Variants in TJP1 observed in about 807,000 individuals in gnomAD.
TJP1 encodes tight junction protein ZO-1.
TJP1 carries 43 observed loss-of-function variants against 194.2 expected under a neutral mutation model. The ratio of observed to expected loss-of-function variants is 0.22; its 90% CI spans 0.17 to 0.29. TJP1 has a LOEUF of 0.29. Among genes scored for constraint, TJP1 ranks in the 10% least tolerant of loss-of-function variants. The pLI is 1.00. For synonymous variants in TJP1, 801 were observed against 779.0 expected (o/e 1.03, Z -0.47); for missense variants, 1,971 against 2,185.7 (o/e 0.90, Z 1.96).
intron 15 of TJP1, chr15:29,728,631 A>C (rs1566909734): frequency 6.6e-6 from 1 of 152,278 alleles, no homozygotes; most frequent in Non-Finnish European, 1.5e-5. Flanking sequence ...ACTGTGCCAA[A>C]TGCAGCTTGG....
chr15:29,772,544 T>C (rs934582142), intron 3 of TJP1, among the ~76,000 whole-genome samples: 6 of 152,192 alleles, frequency 3.9e-5, no homozygotes, highest in African/African-American at 1.4e-4. Flanking sequence ...CTTTTAATTC[T>C]TCTAATTATA....
chr15:29,699,828 CGCA>C (rs1229821631), downstream of TJP1: 1 of 158,150 alleles, frequency 6.3e-6, no homozygotes, highest in Non-Finnish European at 1.4e-5. Flanking sequence ...AATGGTTACA[CGCA>C]CACACACAAA....
intron 2 of TJP1, among the ~76,000 whole-genome samples, chr15:29,952,269 G>A (rs2152309358): frequency 6.6e-6 from 1 of 152,340 alleles, no homozygotes; most frequent in South Asian, 2.1e-4. Flanking sequence ...TCCAGGCTAT[G>A]CCTAAGAGAA....
intron 15 of TJP1, chr15:29,731,027 A>G: frequency 2.9e-6 from 3 of 1,044,548 alleles, no homozygotes. Flanking sequence ...TGGTGACTGT[A>G]CAGTTTGAAA....
At chr15:29,704,535 T>C (rs2041769909) in intron 26 of TJP1, among the ~76,000 whole-genome samples, 1 of 152,208 alleles carries the variant, frequency 6.6e-6, no homozygotes, top group Non-Finnish European at 1.5e-5. Flanking sequence ...TCTTACAATA[T>C]TTTAATATTT....
Position 29,766,319 on chromosome 15 carries a change from C to G in TJP1, c.536G>C (p.Ser179Thr). ...GACTTTAGTAGGTTTAGCAGGCTGG[C>G]TGGAAGCCACTGACCGCCTGTCTGA... ...PRSDRRSVAS[S>T]QPAKPTKVTL... The change falls in exon 5 of 28, where the codon AGC becomes ACC. Residue 179 changes from serine to threonine, a missense_variant. Ser to Thr is a moderately conservative substitution (Grantham distance 58). This residue lies in a region of TJP1 where 245 missense variants were observed against 336.6 expected (regional missense o/e 0.73). Coordinates refer to ENST00000614355, the MANE Select transcript of TJP1 (RefSeq NM_001330239.4). 1 of 1,614,208 alleles carries G rather than the reference C, an allele frequency of 6.2e-7. No homozygotes were observed. Among genetic ancestry groups the G allele is most frequent in the Non-Finnish European group, 8.5e-7 (1 of 1,180,034 alleles).
chr15:29,854,685 G>A (rs936370015), intron 2 of TJP1, among the ~76,000 whole-genome samples: 1 of 152,088 alleles, frequency 6.6e-6, no homozygotes, highest in Non-Finnish European at 1.5e-5. Flanking sequence ...GGTGATTTAG[G>A]ATGGCAGCCA....
chr15:29,963,686 G>A lies in TJP1; in HGVS notation c.173+4981C>T, dbSNP rs534212923. 7.2e-5 allele frequency among the ~76,000 whole-genome samples: 11 copies of A among 152,114 alleles called. No homozygotes were observed. In the South Asian group the frequency reaches 1.0e-3, roughly 14 times the overall value. ...TTTTTTCTTTTTGAGACTGAGTCTC[G>A]CTCTGTTGCCAGGCTGGGGTGCAGT... On this transcript the variant is annotated intron_variant, in intron 1 of 28. Transcript: ENST00000356107.
chr15:29,701,467 C>A lies in TJP1; in HGVS notation c.*128G>T. Reference sequence around the variant, plus strand: ...GCATGCTCACTCATCTTTATCAGTTCAAACAAATGCCTCATACTAACAAAC... The same window carrying A: ...GCATGCTCACTCATCTTTATCAGTTAAAACAAATGCCTCATACTAACAAAC... On this transcript the variant is annotated 3_prime_UTR_variant, in exon 28 of 28. Coordinates refer to ENST00000614355, the MANE Select transcript of TJP1 (RefSeq NM_001330239.4). 1 of 722,746 alleles carries A rather than the reference C, an allele frequency of 1.4e-6. No individual in the cohort carries two copies. The highest frequency in any genetic ancestry group is 2.3e-6 in the Non-Finnish European group (1 of 438,318). 44.8% of individuals were successfully genotyped at this position (722,746 alleles called of 1,614,324 possible). A position where few individuals can be genotyped will look rare whatever the true frequency, so the allele number is the denominator to read the frequency against.
chr15:29,727,168 ACT>A (rs2043293331), intron 16 of TJP1, among the ~76,000 whole-genome samples, 177 bp from the exon 17 acceptor site: 2 of 151,982 alleles, frequency 1.3e-5, no homozygotes, highest in Admixed American at 6.6e-5. Flanking sequence ...GTATGGAGAA[ACT>A]CTATCTCTAC....
rs2229513 is a variant in TJP1 at position 29,742,706 on chromosome 15, G to A, written c.1086C>T (p.His362=). 4,283 of 1,605,804 alleles carry A rather than the reference G, an allele frequency of 2.7e-3. 83 individuals carry two copies. The African/African-American group carries it at 0.041, about 15-fold the overall frequency. Reference sequence around the variant, plus strand: ...TAACTTCTTCCACTGTTTTAGGTGTGTGATCATCAGCATGCTTTACAGGAG... The same window carrying A: ...TAACTTCTTCCACTGTTTTAGGTGTATGATCATCAGCATGCTTTACAGGAG... The part of the protein sequence containing the change: ...VSTPVKHADD[H]TPKTVEEVTV... Residue 362 remains histidine (H), a synonymous_variant, in exon 9 of 28, where the codon CAC becomes CAT. Transcript: ENST00000614355.
intron 1 of TJP1, among the ~76,000 whole-genome samples, chr15:29,817,471 C>T (rs1244904723): frequency 1.3e-5 from 2 of 152,138 alleles, no homozygotes; most frequent in East Asian, 3.8e-4. Context: ...ACCCAGTAAT[C>T]CCATTACTGG....
At chr15:29,836,461 C>T (rs1030493790) in intron 2 of TJP1, among the ~76,000 whole-genome samples, 2 of 151,156 alleles carry the variant, frequency 1.3e-5, no homozygotes, top group African/African-American at 2.5e-5. Context: ...TTAGTAGAGA[C>T]GGGGTTTCAC....
At chr15:29,778,902 A>C (rs2047181081) in intron 2 of TJP1, among the ~76,000 whole-genome samples, 1 of 152,178 alleles carries the variant, frequency 6.6e-6, no homozygotes, top group African/African-American at 2.4e-5. Flanking sequence ...TACTTAACAC[A>C]CAGCACAAGT....
intron 2 of TJP1, among the ~76,000 whole-genome samples, chr15:29,937,797 T>C (rs1442571570): frequency 6.6e-6 from 1 of 152,194 alleles, no homozygotes; most frequent in East Asian, 1.9e-4. Context: ...TCTTTTGCCC[T>C]GGTTCAAAAT....
At chr15:29,734,514 C>T (rs1169604017) in intron 11 of TJP1, 132 bp from the exon 12 acceptor site, 40 of 624,734 alleles carry the variant, frequency 6.4e-5, no homozygotes, top group South Asian at 6.4e-4. Context: ...GACAGAGTCT[C>T]GCTCTGTCGC....
chr15:29,748,564 C>CTTTT lies in TJP1; in HGVS notation c.1011-5787_1011-5784dup, dbSNP rs61364565. ...ACATTTTTCCCAAACCTTCCTAATT[C>CTTTT]TTTTTTTTTTTTTTTTTTTTTTTTT... On this transcript the variant is annotated intron_variant, in intron 8 of 27. Coordinates refer to ENST00000614355, the MANE Select transcript of TJP1 (RefSeq NM_001330239.4). Among the ~76,000 whole-genome samples the CTTTT allele has an allele frequency of 1.4e-4, 10 of 73,392 alleles. 1 individual carries two copies. The highest frequency in any genetic ancestry group is 2.2e-4 in the African/African-American group (4 of 18,594). 48.1% of individuals were successfully genotyped at this position (73,392 alleles called of 152,430 possible).
At chr15:29,848,216 G>A (rs566649779) in intron 2 of TJP1, among the ~76,000 whole-genome samples, 1 of 151,302 alleles carries the variant, frequency 6.6e-6, no homozygotes, top group Non-Finnish European at 1.5e-5. Flanking sequence ...TTCTGCAGAT[G>A]TTAATCAGAT....
In TJP1 at chr15:29,816,456, G is replaced by C. The variant is rs1230216328; in HGVS notation, c.27+5546C>G. 3.3e-5 allele frequency among the ~76,000 whole-genome samples: 5 copies of C among 152,230 alleles called. No homozygotes were observed. The South Asian group carries it at 1.0e-3, about 32-fold the overall frequency. On this transcript the variant is annotated intron_variant, in intron 1 of 27. Coordinates refer to ENST00000614355, the MANE Select transcript of TJP1 (RefSeq NM_001330239.4). ...ATGTAAGAGTTGTAAAATGTAGTTAGGATTATCAGCCAACTATATAAATTA... is the reference window on the plus strand; with the variant it reads ...ATGTAAGAGTTGTAAAATGTAGTTACGATTATCAGCCAACTATATAAATTA...
Sources: gnomAD v4.1 joint callset for allele counts (sites outside exome capture counted in the v4.1 genomes callset) on GRCh38, gnomAD v4.1.1 for gene constraint, gnomAD v4.1.1 regional missense constraint, MANE v1.5 for transcripts, NCBI Gene and HGNC (gene_info 2026-07-23, HGNC 2026-07-21) for gene names.